The following EDIL3 variants were observed in gnomAD, a reference collection of about 807,000 sequenced individuals.
EDIL3 encodes EGF-like repeat and discoidin I-like domain-containing protein 3.
Under a neutral mutation model 67.4 loss-of-function variants are expected in EDIL3, and 37 were observed. The observed-to-expected ratio is 0.55, with a 90% CI of 0.42 to 0.72. The LOEUF is 0.72. EDIL3 is among the 30% of genes least tolerant of loss of function. The pLI is 0.00. For missense variants in EDIL3, 527 were observed against 586.3 expected (o/e 0.90, Z 1.04); for synonymous variants, 195 against 196.3 (o/e 0.99, Z 0.05).
chr5:83,970,447 T>G (rs1444175084), intron 9 of EDIL3, among the ~76,000 whole-genome samples: 1 of 148,654 alleles, frequency 6.7e-6, no homozygotes, highest in Non-Finnish European at 1.5e-5. Context: ...GTTTTCAATT[T>G]TACTATACTC....
At chr5:84,237,042 C>G (rs560183747) in intron 2 of EDIL3, among the ~76,000 whole-genome samples, 87 of 151,996 alleles carry the variant, frequency 5.7e-4, no homozygotes, top group African/African-American at 1.1e-3. Flanking sequence ...CCGAGGCTAC[C>G]AGCTCACTAG....
intron 9 of EDIL3, among the ~76,000 whole-genome samples, chr5:84,056,482 T>A (rs970682999): frequency 1.3e-5 from 2 of 151,204 alleles, no homozygotes; most frequent in African/African-American, 4.9e-5. Flanking sequence ...TAAAAAAATA[T>A]AAAGAATGTT....
At chr5:84,219,386 A>G (rs1365412863) in intron 3 of EDIL3, among the ~76,000 whole-genome samples, 2 of 152,232 alleles carry the variant, frequency 1.3e-5, no homozygotes, top group Non-Finnish European at 2.9e-5. Flanking sequence ...TAGGTCTATG[A>G]AAAGGTGCTC....
chr5:84,023,604 G>A (rs926678200), intron 9 of EDIL3, among the ~76,000 whole-genome samples: 8 of 151,948 alleles, frequency 5.3e-5, no homozygotes, highest in South Asian at 2.1e-4. Flanking sequence ...ATTTGCTTGT[G>A]TATTGTCCCT....
chr5:84,023,375 A>C (rs1242354955), intron 9 of EDIL3, among the ~76,000 whole-genome samples: 1 of 152,084 alleles, frequency 6.6e-6, no homozygotes. Context: ...CAATGTACAG[A>C]GTAGTACACA....
Position 84,180,598 on chromosome 5 carries a change from T to C in EDIL3, c.227-77A>G, listed in dbSNP as rs73140549. 3 of 1,416,802 alleles carry C rather than the reference T, an allele frequency of 2.1e-6. No individual in the cohort carries two copies. The African/African-American group carries it at 4.4e-5, about 21-fold the overall frequency. 87.8% of individuals were successfully genotyped at this position (1,416,802 alleles called of 1,614,324 possible). Reference sequence around the variant, plus strand: ...CATTAGGTCAACATTTTGCAATTAATAATTTTACAGAAAAAAGTGTTCTAG... The same window carrying C: ...CATTAGGTCAACATTTTGCAATTAACAATTTTACAGAAAAAAGTGTTCTAG... On this transcript the variant is annotated intron_variant, in intron 3 of 10. Transcript: ENST00000296591.
intron 9 of EDIL3, among the ~76,000 whole-genome samples, chr5:84,004,884 T>C (rs1427315434): frequency 6.6e-6 from 1 of 151,872 alleles, no homozygotes; most frequent in Admixed American, 6.6e-5. Flanking sequence ...TACAAAAGAC[T>C]AATAAATTCA....
chr5:84,375,649 A>G (rs568054148), intron 1 of EDIL3, among the ~76,000 whole-genome samples: 69 of 152,342 alleles, frequency 4.5e-4, no homozygotes, highest in Non-Finnish European at 8.5e-4. Flanking sequence ...ATCACATTGA[A>G]TAGCAATGAA....
At chr5:84,312,558 G>A (rs569960889) in intron 1 of EDIL3, among the ~76,000 whole-genome samples, 28 of 144,724 alleles carry the variant, frequency 1.9e-4, no homozygotes, top group East Asian at 8.3e-4. Context: ...CCTGGCGGGG[G>A]GCTGACTCCC....
intron 5 of EDIL3, among the ~76,000 whole-genome samples, chr5:84,117,492 A>G (rs971976684): frequency 5.9e-5 from 9 of 152,214 alleles, no homozygotes; most frequent in South Asian, 2.1e-4. Flanking sequence ...ATAAATTACT[A>G]TTTTCTAAAA....
intron 4 of EDIL3, among the ~76,000 whole-genome samples, chr5:84,164,395 A>G (rs1432320842): frequency 6.6e-6 from 1 of 152,118 alleles, no homozygotes; most frequent in South Asian, 2.1e-4. Flanking sequence ...TTAAAAATAT[A>G]CTGGTAAAAT....
chr5:84,337,621 A>C (rs76998104), intron 1 of EDIL3, among the ~76,000 whole-genome samples: 2,192 of 152,262 alleles, frequency 0.014, 63 homozygotes, highest in African/African-American at 0.05. Context: ...ACAAAGAATA[A>C]AAAATCCTTT....
At chr5:84,163,987 T>C (rs893469968) in intron 4 of EDIL3, among the ~76,000 whole-genome samples, 1 of 152,106 alleles carries the variant, frequency 6.6e-6, no homozygotes, top group Non-Finnish European at 1.5e-5. Flanking sequence ...AATAATTGAC[T>C]GCTTTTAAGA....
chr5:84,038,818 C>T (rs1290119080), intron 9 of EDIL3, among the ~76,000 whole-genome samples: 1 of 152,166 alleles, frequency 6.6e-6, no homozygotes, highest in Non-Finnish European at 1.5e-5. Context: ...ATAACAGAGC[C>T]ACATGATTTT....
intron 1 of EDIL3, among the ~76,000 whole-genome samples, chr5:84,356,244 CAT>C (rs1747478109): frequency 6.6e-6 from 1 of 152,194 alleles, no homozygotes; most frequent in Non-Finnish European, 1.5e-5. Context: ...AACTGATAAA[CAT>C]ATGCTTAAAC....
rs796085506 is a variant in EDIL3, at chr5:84,141,951, A to AGATCGATC, written c.356-4598_356-4597insGATCGATC. Among the ~76,000 whole-genome samples, 681 of 97,680 alleles carry AGATCGATC rather than the reference A, an allele frequency of 7.0e-3. 14 individuals carry two copies. Among genetic ancestry groups the AGATCGATC allele is most frequent in the African/African-American group, 0.024 (571 of 24,200 alleles). The allele number at this position is 97,680 out of a possible 152,430, so 64.1% of individuals were successfully genotyped here. ...CATATATATATATATATATATACAT[A>AGATCGATC]GATCTATCTATCTATCTATCTATCT... is the stretch of plus-strand genomic sequence containing the variant. On this transcript the variant is annotated intron_variant, in intron 4 of 10. Transcript: ENST00000296591.
chr5:84,067,670 T>C (rs1746668634), intron 6 of EDIL3, among the ~76,000 whole-genome samples: 1 of 152,154 alleles, frequency 6.6e-6, no homozygotes, highest in African/African-American at 2.4e-5. Context: ...CTTTGAGAGT[T>C]AGCATTTGAA....
chr5:84,203,969 C>T (rs750487203), intron 3 of EDIL3, among the ~76,000 whole-genome samples: 1 of 152,136 alleles, frequency 6.6e-6, no homozygotes, highest in South Asian at 2.1e-4. Context: ...GATACTGATT[C>T]TATTATTAGA....
rs140983625 is a variant in EDIL3 at position 84,043,453 on chromosome 5, C to T, written c.1137+16847G>A. ...GTTATATGAAGTAGGAACAGAGGCA[C>T]GCAGTGAACTGGAAAACCAAGTTTG... On this transcript the variant is annotated intron_variant, in intron 9 of 10. Coordinates refer to ENST00000296591, the MANE Select transcript of EDIL3 (RefSeq NM_005711.5). 9.7e-3 allele frequency among the ~76,000 whole-genome samples: 1,477 copies of T among 152,250 alleles called. 13 individuals are homozygous for T. Among genetic ancestry groups the T allele is most frequent in the Non-Finnish European group, 0.015 (993 of 68,020 alleles).
Sources: allele counts gnomAD v4.1 joint callset (sites outside exome capture counted in the v4.1 genomes callset), GRCh38; gene constraint gnomAD v4.1.1; transcripts MANE v1.5; gene names NCBI Gene and HGNC (gene_info 2026-07-23, HGNC 2026-07-21).